Variants in KSR2 observed in about 807,000 individuals in gnomAD.
KSR2 encodes the protein kinase suppressor of ras 2.
KSR2 carries 25 observed loss-of-function variants against 107.8 expected under a neutral mutation model. That is an observed-to-expected ratio of 0.23 (90% CI 0.17 to 0.32). KSR2 has a LOEUF of 0.32. Among genes scored for constraint, KSR2 ranks in the 10% least tolerant of loss-of-function variants. KSR2 has a pLI of 1.00. For synonymous variants in KSR2, 480 were observed against 507.0 expected (o/e 0.95, Z 0.71); for missense variants, 887 against 1,268.9 (o/e 0.70, Z 4.57).
rs1203257876 is a variant in KSR2 at position 117,579,177 on chromosome 12, GAGAC to G, written c.1263_1266del (p.Met421IlefsTer22). ...CCTTTCCCACAGACTGTGCACGTCT[GAGAC>G]ATCCAGTACTTGGTGGAAAACCTGT... is the stretch of plus-strand genomic sequence containing the variant. On this transcript the variant is annotated frameshift_variant, in exon 7 of 20. Coordinates refer to ENST00000339824, the MANE Select transcript of KSR2 (RefSeq NM_173598.6). LOFTEE classifies it high-confidence loss of function. 1 of 1,613,672 alleles carries G rather than the reference GAGAC, an allele frequency of 6.2e-7. No individual in the cohort carries two copies. The highest frequency in any genetic ancestry group is 8.5e-7 in the Non-Finnish European group (1 of 1,179,740).
intron 1 of KSR2, among the ~76,000 whole-genome samples, chr12:117,967,838 C>T (rs541291720): frequency 2.1e-4 from 32 of 152,136 alleles, no homozygotes; most frequent in South Asian, 4.2e-4. Flanking sequence ...ACTACTACTA[C>T]CACCACCCAG....
intron 4 of KSR2, among the ~76,000 whole-genome samples, chr12:117,671,130 G>C (rs1244410577): frequency 6.6e-6 from 1 of 152,188 alleles, no homozygotes; most frequent in African/African-American, 2.4e-5. Context: ...ACCCTCTGTT[G>C]CTTTGCCTGG....
Position 117,876,596 on chromosome 12 carries a change from T to C in KSR2, c.181-16165A>G, listed in dbSNP as rs541839540. Among the ~76,000 whole-genome samples, 81 of 152,288 alleles carry C rather than the reference T, an allele frequency of 5.3e-4. 1 individual carries two copies. Among genetic ancestry groups the C allele is most frequent in the Middle Eastern group, 6.8e-3 (2 of 294 alleles). The stretch of plus-strand genomic sequence containing the variant: ...AGCACTTACTAGACAGCAGGTCCAG[T>C]AGTAATAACTTCCTTACACGATCCT... On this transcript the variant is annotated intron_variant, in intron 1 of 19. Coordinates refer to ENST00000339824, the MANE Select transcript of KSR2 (RefSeq NM_173598.6).
Position 117,667,114 on chromosome 12 carries a change from G to C in KSR2, c.1171+360C>G, listed in dbSNP as rs550489088. ...AGAAAAATCCTGTAATCAGGCAGCTGAGAGACAGCCGGGAAGAGGGAGAGA... is the reference window on the plus strand; with the variant it reads ...AGAAAAATCCTGTAATCAGGCAGCTCAGAGACAGCCGGGAAGAGGGAGAGA... On this transcript the variant is annotated intron_variant, in intron 5 of 19. Transcript: ENST00000339824. Among the ~76,000 whole-genome samples the C allele has an allele frequency of 5.3e-5, 8 of 152,300 alleles. No individual in the cohort carries two copies. In the East Asian group the frequency reaches 1.5e-3, roughly 29 times the overall value.
intron 1 of KSR2, among the ~76,000 whole-genome samples, chr12:117,881,619 T>C (rs1420753448): frequency 6.6e-6 from 1 of 152,242 alleles, no homozygotes; most frequent in Non-Finnish European, 1.5e-5. Context: ...GAAATTCTTA[T>C]GAACCTATAA....
At chr12:117,607,522 G>T (rs745580992) in intron 5 of KSR2, among the ~76,000 whole-genome samples, 38 of 152,288 alleles carry the variant, frequency 2.5e-4, no homozygotes, top group Middle Eastern at 6.8e-3. Flanking sequence ...CCTGGACTCT[G>T]CATGCCTCCA....
chr12:117,556,758 A>G (rs1877725195), intron 8 of KSR2, among the ~76,000 whole-genome samples: 1 of 152,158 alleles, frequency 6.6e-6, no homozygotes, highest in South Asian at 2.1e-4. Context: ...AAGTTGCTGT[A>G]CCCTAAAGTT....
At chr12:117,506,794 T>C (rs1239728747) in intron 14 of KSR2, among the ~76,000 whole-genome samples, 1 of 152,186 alleles carries the variant, frequency 6.6e-6, no homozygotes, top group Non-Finnish European at 1.5e-5. Flanking sequence ...TGCCTGGAGA[T>C]ATATATATGT....
intron 4 of KSR2, among the ~76,000 whole-genome samples, chr12:117,668,660 G>C (rs985373879): frequency 6.6e-6 from 1 of 152,210 alleles, no homozygotes; most frequent in Admixed American, 6.5e-5. Flanking sequence ...GCCTACAAAA[G>C]AGTCCTTTGG....
rs566044845 is a variant in KSR2 at position 117,672,532 on chromosome 12, G to C, written c.987-4874C>G. 9.2e-5 allele frequency among the ~76,000 whole-genome samples: 14 copies of C among 152,298 alleles called. 1 individual carries two copies. The highest frequency in any genetic ancestry group is 3.4e-4 in the African/African-American group (14 of 41,568). ...TGTCACCTGCTATTAAAGTCACTATGACCAGGTCAAATCAGATGTCTGTAT... is the reference window on the plus strand; with the variant it reads ...TGTCACCTGCTATTAAAGTCACTATCACCAGGTCAAATCAGATGTCTGTAT... On this transcript the variant is annotated intron_variant, in intron 4 of 19. Transcript: ENST00000339824.
rs551312249 is a variant in KSR2, at chr12:117,533,967, T to G, written c.1688-2260A>C. ...AGAAAGACATTGTTGGGAGACCTGT[T>G]CTTCCTGCTGATGACAGACACCATC... On this transcript the variant is annotated intron_variant, in intron 10 of 19. Coordinates refer to ENST00000339824, the MANE Select transcript of KSR2 (RefSeq NM_173598.6). Among the ~76,000 whole-genome samples, 320 of 152,266 alleles carry G rather than the reference T, an allele frequency of 2.1e-3. 1 individual carries two copies. The highest frequency in any genetic ancestry group is 2.8e-3 in the Non-Finnish European group (190 of 68,024).
In KSR2 at chr12:117,944,331, G is replaced by A. The variant is rs575462785; in HGVS notation, c.180+23745C>T. On this transcript the variant is annotated intron_variant, in intron 1 of 19. Coordinates refer to ENST00000339824, the MANE Select transcript of KSR2 (RefSeq NM_173598.6). ...ACGGAGGTTGCGGTGAGCCGAGATC[G>A]TGCCATTGCACTCCAGCCTGGGCAA... Among the ~76,000 whole-genome samples the A allele has an allele frequency of 1.3e-4, 20 of 152,196 alleles. No homozygotes were observed. In the South Asian group the frequency reaches 1.5e-3, roughly 11 times the overall value.
chr12:117,600,216 C>T (rs1177299011), intron 5 of KSR2, among the ~76,000 whole-genome samples: 1 of 152,194 alleles, frequency 6.6e-6, no homozygotes, highest in Admixed American at 6.5e-5. Context: ...AGGAGGAAAA[C>T]AAATTCACAA....
At chr12:117,798,545 A>C (rs898014166) in intron 3 of KSR2, among the ~76,000 whole-genome samples, 1 of 152,140 alleles carries the variant, frequency 6.6e-6, no homozygotes, top group Non-Finnish European at 1.5e-5. Context: ...AGGCAGGAGA[A>C]TCACTTGAAA....
chr12:117,480,597 G>C (rs544790491), intron 16 of KSR2, among the ~76,000 whole-genome samples: 28 of 152,136 alleles, frequency 1.8e-4, no homozygotes, highest in Non-Finnish European at 1.8e-4. Context: ...CTCGGGCTTG[G>C]TGGCGGGGGG....
At chr12:117,717,352 C>A (rs867543055) in intron 4 of KSR2, among the ~76,000 whole-genome samples, 3 of 152,070 alleles carry the variant, frequency 2.0e-5, no homozygotes, top group African/African-American at 4.8e-5. Flanking sequence ...GAGACCTCAT[C>A]TCCACAAAAA....
In KSR2 at chr12:117,523,294, T is replaced by C. The variant is rs138822415; in HGVS notation, c.2219+1558A>G. ...AGCATCTGTTCTGGGCCTGGTAAGA[T>C]GCAAGACTTGTGCATTTGGGGTCTC... On this transcript the variant is annotated intron_variant, in intron 14 of 19. Transcript: ENST00000339824. Among the ~76,000 whole-genome samples, 658 of 152,328 alleles carry C rather than the reference T, an allele frequency of 4.3e-3. 5 individuals carry two copies. Among genetic ancestry groups the C allele is most frequent in the African/African-American group, 0.015 (623 of 41,582 alleles).
At position 117,667,585 on chromosome 12, in the gene KSR2, G is replaced by A; in HGVS notation, c.1060C>T (p.Gln354Ter). The change falls in exon 5 of 20, where the codon CAG becomes TAG. Residue 354 changes from glutamine (Q) to a stop codon, truncating the protein, a stop_gained. Transcript: ENST00000339824. LOFTEE classifies it high-confidence loss of function. The stretch of plus-strand genomic sequence containing the variant: ...TCGGACAGCAGCGGGGAGCGCTGCT[G>A]AGAGGGGATGTTCTCGCAGCTGCCT... ...SVGSCENIPSQQRSPLLSERS... is the reference protein window; with the variant it reads ...SVGSCENIPS The A allele has an allele frequency of 6.2e-7, 1 of 1,613,380 alleles. No homozygotes were observed. The highest frequency in any genetic ancestry group is 8.5e-7 in the Non-Finnish European group (1 of 1,179,684).
At chr12:117,880,078 G>A (rs781089589) in intron 1 of KSR2, among the ~76,000 whole-genome samples, 4 of 152,034 alleles carry the variant, frequency 2.6e-5, no homozygotes, top group South Asian at 2.1e-4. Context: ...CCTGGGAGGC[G>A]GAGGTTGCGG....
Sources: gnomAD v4.1 joint callset for allele counts (sites outside exome capture counted in the v4.1 genomes callset) on GRCh38, gnomAD v4.1.1 for gene constraint, MANE v1.5 for transcripts, NCBI Gene and HGNC (gene_info 2026-07-23, HGNC 2026-07-21) for gene names.